Variants in NAV3 observed in about 807,000 individuals in gnomAD.
The protein encoded by NAV3 is neuron navigator 3.
A neutral mutation model predicts 244.7 loss-of-function variants in NAV3; 87 were observed. The ratio of observed to expected loss-of-function variants is 0.36; its 90% confidence interval spans 0.30 to 0.42. The LOEUF (loss-of-function observed/expected upper bound fraction) is 0.42, where lower values mean the gene tolerates loss of function less well. Among genes scored for constraint, NAV3 ranks in the 20% least tolerant of loss-of-function variants. NAV3 has a pLI of 1.00. For synonymous variants in NAV3, 1,126 were observed against 1,042.2 expected, an observed-to-expected ratio of 1.08 and a Z score of -1.55; for missense variants, 2,663 against 2,893.3, an observed-to-expected ratio of 0.92 and a Z score of 1.83.
chr12:78,179,915 A>C (rs1958426756), intron 29 of NAV3, among the ~76,000 whole-genome samples: 1 of 152,128 alleles, frequency 6.6e-6, no homozygotes, highest in African/African-American at 2.4e-5. Context: ...CATTCAGGAT[A>C]CTGTACTAGT....
intron 9 of NAV3, among the ~76,000 whole-genome samples, chr12:78,038,725 C>G (rs887334204): frequency 1.3e-5 from 2 of 152,124 alleles, no homozygotes; most frequent in African/African-American, 2.4e-5. Flanking sequence ...AAGTCTTAAT[C>G]TTTATGAAGC....
At chr12:77,778,568 C>A (rs1330397673) in intron 2 of NAV3, among the ~76,000 whole-genome samples, 1 of 148,034 alleles carries the variant, frequency 6.8e-6, no homozygotes, top group Admixed American at 6.8e-5. Flanking sequence ...ACTGAGATCG[C>A]GCCACTGCAC....
chr12:77,778,248 C>T (rs7964513), intron 2 of NAV3, among the ~76,000 whole-genome samples: 2 of 143,926 alleles, frequency 1.4e-5, no homozygotes, highest in South Asian at 2.3e-4. Context: ...TCCTCCCCCC[C>T]GCCCCCCGTC....
chr12:77,877,204 T>G (rs1474277635), intron 1 of NAV3, among the ~76,000 whole-genome samples: 2 of 152,124 alleles, frequency 1.3e-5, no homozygotes, highest in African/African-American at 2.4e-5. Context: ...AAAGAGAATA[T>G]TTCCCATTTG....
chr12:78,043,239 T>G (rs970712886), intron 9 of NAV3, among the ~76,000 whole-genome samples: 10 of 152,174 alleles, frequency 6.6e-5, no homozygotes, highest in Non-Finnish European at 1.3e-4. Flanking sequence ...GTTTCATCCA[T>G]GTCCCTGCAA....
rs548837229 is a variant in NAV3 at position 77,780,602 on chromosome 12, G to A, written c.73-159717G>A. Among the ~76,000 whole-genome samples the A allele has an allele frequency of 7.2e-5, 11 of 152,266 alleles. No individual in the cohort carries two copies. In the South Asian group the frequency reaches 2.3e-3, roughly 32 times the overall value. ...TGTGCGAAGATTGGTCAGTGTGTTT[G>A]CTATGAGGCGAGTTATTGAAGTTAG... is the stretch of plus-strand genomic sequence containing the variant. On this transcript the variant is annotated intron_variant, in intron 2 of 8. Coordinates refer to the NAV3 transcript ENST00000550042.
chr12:78,195,438 T>A (rs1468022548), intron 34 of NAV3, among the ~76,000 whole-genome samples: 1 of 151,932 alleles, frequency 6.6e-6, no homozygotes, highest in Non-Finnish European at 1.5e-5. Context: ...CTGGATTAGA[T>A]GCCTCTCTTA....
At chr12:77,826,786 A>T (rs547322997), upstream of NAV3, among the ~76,000 whole-genome samples, 2 of 152,222 alleles carry the variant, frequency 1.3e-5, no homozygotes, top group Admixed American at 1.3e-4. Flanking sequence ...GTGAGACATT[A>T]TCTACGGTAG....
At chr12:77,610,674 T>G (rs961884896) in intron 2 of NAV3, among the ~76,000 whole-genome samples, 2 of 152,040 alleles carry the variant, frequency 1.3e-5, no homozygotes. Context: ...ACTCAGAATT[T>G]CAAAGAACAT....
rs577087428 is a variant in NAV3 at position 78,136,141 on chromosome 12, T to C, written c.4442-1036T>C. On this transcript the variant is annotated intron_variant, in intron 18 of 39. Coordinates refer to ENST00000397909, the MANE Select transcript of NAV3 (RefSeq NM_001024383.2). ...TTTAGTGCCTGTGTCACAGAAAAAA[T>C]CTTAGTAAATTTTGAAGTGATGTCA... Among the ~76,000 whole-genome samples the C allele has an allele frequency of 3.3e-5, 5 of 152,238 alleles. No homozygotes were observed. The East Asian group carries it at 9.6e-4, about 29-fold the overall frequency.
At chr12:77,660,568 G>C (rs900481743) in intron 2 of NAV3, among the ~76,000 whole-genome samples, 3 of 151,898 alleles carry the variant, frequency 2.0e-5, no homozygotes, top group African/African-American at 7.3e-5. Context: ...ACTATTATTA[G>C]TTTACAAGTT....
chr12:78,021,306 C>A lies in NAV3; in HGVS notation c.1908-441C>A, dbSNP rs149014727. Among the ~76,000 whole-genome samples the A allele has an allele frequency of 6.5e-3, 985 of 152,004 alleles. 5 individuals carry two copies. The highest frequency in any genetic ancestry group is 0.011 in the Non-Finnish European group (743 of 67,960). On this transcript the variant is annotated intron_variant, in intron 8 of 39. Transcript: ENST00000397909. ...TCATAATGATGTATAAAGTCTAGAA[C>A]AAAATTATTTTTTATTTTTACACAT... is the stretch of plus-strand genomic sequence containing the variant.
intron 34 of NAV3, among the ~76,000 whole-genome samples, chr12:78,194,451 C>G (rs1959114965): frequency 6.6e-6 from 1 of 151,976 alleles, no homozygotes; most frequent in Non-Finnish European, 1.5e-5. Context: ...AAAATCTGAT[C>G]AAATTTTTCA....
At chr12:77,765,848 G>A (rs1869722542) in intron 2 of NAV3, among the ~76,000 whole-genome samples, 1 of 151,876 alleles carries the variant, frequency 6.6e-6, no homozygotes, top group African/African-American at 2.4e-5. Flanking sequence ...AGAGGGACAA[G>A]CAAGATAAAA....
At chr12:78,175,264 G>A (rs780154764) in intron 24 of NAV3, 42 bp from the exon 25 acceptor site, 1 of 1,603,198 alleles carries the variant, frequency 6.2e-7, no homozygotes, top group South Asian at 1.1e-5. Flanking sequence ...TTCAGATCGA[G>A]ACTCTTCATG....
intron 2 of NAV3, among the ~76,000 whole-genome samples, chr12:77,603,158 ATT>A (rs1438354607): frequency 6.6e-6 from 1 of 152,040 alleles, no homozygotes; most frequent in Admixed American, 6.6e-5. Flanking sequence ...AGACTTTAGA[ATT>A]GACTCAGAGG....
At chr12:77,971,315 T>C (rs1302734353) in intron 5 of NAV3, among the ~76,000 whole-genome samples, 1 of 152,134 alleles carries the variant, frequency 6.6e-6, no homozygotes, top group Non-Finnish European at 1.5e-5. Flanking sequence ...AATTGATATA[T>C]AATTTAATAA....
At chr12:77,929,885 G>T (rs981489931) in intron 1 of NAV3, among the ~76,000 whole-genome samples, 3 of 146,456 alleles carry the variant, frequency 2.0e-5, no homozygotes, top group Admixed American at 7.1e-5. Flanking sequence ...CTGACCTCAA[G>T]TTATATGCCT....
chr12:77,744,022 A>T (rs1439466124), intron 2 of NAV3, among the ~76,000 whole-genome samples: 3 of 151,924 alleles, frequency 2.0e-5, no homozygotes, highest in Admixed American at 2.0e-4. Context: ...TCTAGAGCTA[A>T]AACAATACCA....
Sources: gnomAD v4.1 joint callset for allele counts (sites outside exome capture counted in the v4.1 genomes callset) on GRCh38, gnomAD v4.1.1 for gene constraint, MANE v1.5 for transcripts, NCBI Gene and HGNC (gene_info 2026-07-23, HGNC 2026-07-21) for gene names.